The following MAEL variants were observed in gnomAD, a reference collection of about 807,000 sequenced individuals.
MAEL encodes the protein maelstrom spermatogenic transposon silencer.
MAEL carries 46 observed loss-of-function variants against 62.0 expected under a neutral mutation model. The observed-to-expected ratio is 0.74, with a 90% CI of 0.59 to 0.95. The LOEUF (loss-of-function observed/expected upper bound fraction) is 0.95, where lower values mean the gene tolerates loss of function less well. MAEL is among the 40% of genes least tolerant of loss of function. The pLI is 0.00. For synonymous variants in MAEL, 172 were observed against 175.5 expected, an observed-to-expected ratio of 0.98 and a Z score of 0.16; for missense variants, 497 against 526.8, an observed-to-expected ratio of 0.94 and a Z score of 0.55.
intron 5 of MAEL, 75 bp downstream of exon 5, chr1:166,994,144 A>T: frequency 7.9e-7 from 1 of 1,269,978 alleles, no homozygotes; most frequent in Non-Finnish European, 1.1e-6. Context: ...CCTTTTACAC[A>T]CAAACTATAA....
chr1:167,008,155 A>G (rs544680370), intron 8 of MAEL, among the ~76,000 whole-genome samples: 11 of 152,144 alleles, frequency 7.2e-5, no homozygotes, highest in Non-Finnish European at 1.6e-4. Context: ...AGTTGTTTCC[A>G]AAGACTAGGG....
chr1:166,976,809 A>T (rs541991915), intron 1 of MAEL, among the ~76,000 whole-genome samples: 5 of 152,264 alleles, frequency 3.3e-5, no homozygotes, highest in Admixed American at 1.3e-4. Flanking sequence ...ACATGTGAGA[A>T]ATGGGAAGAA....
At chr1:166,985,502 C>G (rs1476563678), upstream of MAEL, among the ~76,000 whole-genome samples, 1 of 152,112 alleles carries the variant, frequency 6.6e-6, no homozygotes, top group Non-Finnish European at 1.5e-5. Context: ...TCCCATCAGC[C>G]AAAGTGGAAT....
Position 167,006,601 on chromosome 1 carries a change from C to CCATATATATATATATATA in MAEL, c.845+1204_845+1205insCATATATATATATATATA, listed in dbSNP as rs1295162731. 4.4e-4 allele frequency among the ~76,000 whole-genome samples: 43 copies of CCATATATATATATATATA among 98,066 alleles called. 1 individual carries two copies. Among genetic ancestry groups the CCATATATATATATATATA allele is most frequent in the African/African-American group, 9.4e-4 (27 of 28,828 alleles). The allele number at this position is 98,066 out of a possible 152,430, so 64.3% of individuals were successfully genotyped here. Reference sequence around the variant, plus strand: ...CTATTGGAAAGTTACTGGTTTTTTACTATATATATATATATATATATATAT... The same window carrying CCATATATATATATATATA: ...CTATTGGAAAGTTACTGGTTTTTTACCATATATATATATATATATATATATATATATATATATATATAT... On this transcript the variant is annotated intron_variant, in intron 8 of 11. Transcript: ENST00000367872.
In MAEL at chr1:166,989,751, A is replaced by G; in HGVS notation, c.147A>G (p.Glu49=). The change falls in exon 2 of 12, where the codon GAA becomes GAG. Residue 49 remains glutamate, a synonymous_variant. Transcript: ENST00000367872. ...CSSDWALLRE[E]EKEKYAEMAR... Reference sequence around the variant, plus strand: ...ATCCCCAAAAGCTTCTGAGGGAGGAAGAAAAGGAGAAATACGCAGAAATGG... The same window carrying G: ...ATCCCCAAAAGCTTCTGAGGGAGGAGGAAAAGGAGAAATACGCAGAAATGG... 1 of 1,613,948 alleles carries G rather than the reference A, an allele frequency of 6.2e-7. No homozygotes were observed. Among genetic ancestry groups the G allele is most frequent in the Non-Finnish European group, 8.5e-7 (1 of 1,179,958 alleles).
chr1:167,004,234 C>G lies in MAEL; in HGVS notation c.578C>G (p.Ala193Gly). 6.2e-7 allele frequency: 1 copy of G among 1,608,874 alleles called. No homozygotes were observed. Residue 193 changes from alanine (A) to glycine (G), a missense_variant, in exon 6 of 12, where the codon GCA (alanine) becomes GGA (glycine). By Grantham distance (60) the Ala-to-Gly change is moderately conservative (BLOSUM62 0). Coordinates refer to ENST00000367872, the MANE Select transcript of MAEL (RefSeq NM_032858.3). ...AATTTTGAACGTGGGCATAACCAAG[C>G]AACTGTGTTACAAAACCTTTATAGA... ...ISNFERGHNQ[A>G]TVLQNLYRFI... is the part of the protein sequence containing the mutation.
upstream of MAEL, chr1:166,989,217 C>T: frequency 8.5e-7 from 1 of 1,178,382 alleles, no homozygotes; most frequent in Non-Finnish European, 1.2e-6. Context: ...GGCAATGCGA[C>T]TGCGCGTCGC....
chr1:167,011,259 T>C (rs1029278960), intron 8 of MAEL, among the ~76,000 whole-genome samples: 1 of 152,204 alleles, frequency 6.6e-6, no homozygotes, highest in African/African-American at 2.4e-5. Context: ...CATTGGAAAT[T>C]ACAGTTTTCA....
chr1:166,998,098 A>G (rs953850365), intron 5 of MAEL, among the ~76,000 whole-genome samples: 3 of 152,204 alleles, frequency 2.0e-5, no homozygotes, highest in African/African-American at 7.2e-5. Flanking sequence ...GTTTGATGAT[A>G]TAGATAAGCC....
At chr1:166,998,533 A>C (rs766532899) in intron 5 of MAEL, among the ~76,000 whole-genome samples, 1 of 152,160 alleles carries the variant, frequency 6.6e-6, no homozygotes, top group Non-Finnish European at 1.5e-5. Context: ...TTCATTTAAA[A>C]TTTTTAAAAT....
chr1:166,989,012 C>G (rs1664021521), upstream of MAEL: 1 of 241,368 alleles, frequency 4.1e-6, no homozygotes, highest in African/African-American at 2.2e-5. Context: ...TCCTCTTTTT[C>G]TCTACCTACT....
intron 2 of MAEL, 115 bp downstream of exon 2, chr1:166,989,944 T>A: frequency 1.3e-6 from 1 of 798,528 alleles, no homozygotes; most frequent in Non-Finnish European, 2.0e-6. Context: ...GTTCGGTTAG[T>A]GCGAAGACGA....
intron 4 of MAEL, 38 bp downstream of exon 4, chr1:166,992,879 A>G: frequency 1.3e-6 from 2 of 1,488,776 alleles, no homozygotes; most frequent in Non-Finnish European, 1.8e-6. Context: ...TTAAACGTGT[A>G]TGGTTTTTTT....
intron 9 of MAEL, among the ~76,000 whole-genome samples, chr1:167,017,155 A>G (rs900645439): frequency 6.6e-6 from 1 of 152,230 alleles, no homozygotes; most frequent in African/African-American, 2.4e-5. Context: ...TGTTTATAAT[A>G]CAAAGGATGA....
chr1:166,995,696 A>T (rs972236281), intron 5 of MAEL, among the ~76,000 whole-genome samples: 6 of 152,158 alleles, frequency 3.9e-5, no homozygotes, highest in African/African-American at 7.2e-5. Context: ...AAATAAAAAA[A>T]AAATGGAAAC....
upstream of MAEL, chr1:166,989,042 A>G: frequency 2.9e-6 from 1 of 343,454 alleles, no homozygotes; most frequent in Non-Finnish European, 5.5e-6. Context: ...ATTACGCAAT[A>G]ATGTACAGAA....
chr1:167,020,934 C>A, intron 10 of MAEL, 151 bp from the exon 11 acceptor site: 1 of 677,618 alleles, frequency 1.5e-6, no homozygotes. Context: ...CCTATTTTCT[C>A]CCCCTTTGCA....
chr1:166,986,358 TA>T (rs1013175225), upstream of MAEL, among the ~76,000 whole-genome samples: 12 of 152,138 alleles, frequency 7.9e-5, 1 homozygote, highest in South Asian at 4.2e-4. Context: ...AATGTTGTTA[TA>T]AAAAAAAGCA....
At chr1:167,009,467 C>A (rs755407530) in intron 8 of MAEL, among the ~76,000 whole-genome samples, 1 of 151,858 alleles carries the variant, frequency 6.6e-6, no homozygotes, top group Non-Finnish European at 1.5e-5. Context: ...AGACTTTAGT[C>A]TTTTTTCATT....
Sources: gnomAD v4.1 joint callset for allele counts (sites outside exome capture counted in the v4.1 genomes callset) on GRCh38, gnomAD v4.1.1 for gene constraint, MANE v1.5 for transcripts, NCBI Gene and HGNC (gene_info 2026-07-23, HGNC 2026-07-21) for gene names.